Variants in RAI14 observed in about 807,000 individuals in gnomAD.
RAI14 encodes ankycorbin.
A neutral mutation model predicts 115.4 loss-of-function variants in RAI14; 45 were observed. The ratio of observed to expected loss-of-function variants is 0.39; its 90% confidence interval spans 0.31 to 0.50. RAI14 has a LOEUF of 0.50. RAI14 is among the 20% of genes least tolerant of loss of function. The pLI is 0.85. For missense variants in RAI14, 939 were observed against 1,131.2 expected, an observed-to-expected ratio of 0.83 and a Z score of 2.44; for synonymous variants, 371 against 415.4, an observed-to-expected ratio of 0.89 and a Z score of 1.30.
At chr5:34,708,299 T>C (rs1470262610) in intron 2 of RAI14, among the ~76,000 whole-genome samples, 1 of 151,732 alleles carries the variant, frequency 6.6e-6, no homozygotes, top group Non-Finnish European at 1.5e-5. Flanking sequence ...GCCTCCCGCG[T>C]TCAAGCGATT....
At chr5:34,717,397 A>C (rs536722858) in intron 2 of RAI14, among the ~76,000 whole-genome samples, 1 of 152,382 alleles carries the variant, frequency 6.6e-6, no homozygotes, top group African/African-American at 2.4e-5. Context: ...ATGCAATTTT[A>C]ATACAATGCA....
At chr5:34,677,724 T>C (rs111831028) in intron 1 of RAI14, among the ~76,000 whole-genome samples, 19 of 152,248 alleles carry the variant, frequency 1.2e-4, no homozygotes, top group African/African-American at 4.6e-4. Context: ...TAGGCATGAG[T>C]CACTGCACCC....
At chr5:34,788,391 T>C (rs1051859762) in intron 3 of RAI14, among the ~76,000 whole-genome samples, 5 of 152,132 alleles carry the variant, frequency 3.3e-5, no homozygotes, top group African/African-American at 1.2e-4. Context: ...CATTGCCAAA[T>C]GTTCCAAGGA....
intron 3 of RAI14, among the ~76,000 whole-genome samples, chr5:34,775,451 G>A (rs1178484388): frequency 1.3e-5 from 2 of 152,096 alleles, no homozygotes; most frequent in East Asian, 3.8e-4. Flanking sequence ...TGGGCAAAAG[G>A]TACAGTTGCA....
intron 3 of RAI14, among the ~76,000 whole-genome samples, chr5:34,792,815 A>G (rs1049145426): frequency 3.3e-5 from 5 of 152,168 alleles, no homozygotes; most frequent in African/African-American, 9.7e-5. Flanking sequence ...TGTCTGTTTT[A>G]TCTGTAAAAG....
At chr5:34,682,937 C>G (rs751607799) in intron 1 of RAI14, among the ~76,000 whole-genome samples, 12 of 152,316 alleles carry the variant, frequency 7.9e-5, no homozygotes, top group Non-Finnish European at 1.6e-4. Context: ...TGTCACTTTA[C>G]TCAACATAGG....
intron 2 of RAI14, among the ~76,000 whole-genome samples, chr5:34,747,400 G>A (rs903292795): frequency 2.0e-4 from 30 of 152,270 alleles, no homozygotes; most frequent in African/African-American, 6.0e-4. Flanking sequence ...AGTCTAGCAC[G>A]GATAAACAAT....
chr5:34,713,991 A>G (rs535242366), intron 2 of RAI14, among the ~76,000 whole-genome samples: 15 of 152,048 alleles, frequency 9.9e-5, no homozygotes, highest in African/African-American at 3.4e-4. Context: ...TTTAGTAGAG[A>G]CAGGGTTTCA....
rs888581479 is a variant in RAI14 at position 34,821,614 on chromosome 5, C to T, written c.995-118C>T. ...TAGTTCACCCATCCAGCTGCTAGGG[C>T]GTTTTATAATTAGGGCCAGGAAGAA... On this transcript the variant is annotated intron_variant, in intron 13 of 17. Transcript: ENST00000265109. The T allele has an allele frequency of 1.4e-5, 9 of 641,838 alleles. 1 individual carries two copies. The highest frequency in any genetic ancestry group is 6.0e-5 in the South Asian group (3 of 50,292). 39.8% of individuals were successfully genotyped at this position (641,838 alleles called of 1,614,324 possible).
intron 1 of RAI14, among the ~76,000 whole-genome samples, chr5:34,668,545 G>A (rs572585062): frequency 1.3e-5 from 2 of 152,178 alleles, no homozygotes; most frequent in South Asian, 4.2e-4. Flanking sequence ...TTTATCATGG[G>A]TGCAAGTTGA....
At chr5:34,760,000 G>T (rs1440726882) in intron 3 of RAI14, among the ~76,000 whole-genome samples, 1 of 152,120 alleles carries the variant, frequency 6.6e-6, no homozygotes, top group East Asian at 1.9e-4. Flanking sequence ...ATCACCTGGA[G>T]TGCTTCTTTG....
At chr5:34,697,235 G>A (rs1274972067) in intron 2 of RAI14, among the ~76,000 whole-genome samples, 1 of 151,964 alleles carries the variant, frequency 6.6e-6, no homozygotes, top group East Asian at 1.9e-4. Context: ...TCGGGAGTTC[G>A]AGACCAGCCT....
chr5:34,736,781 T>A (rs1744932911), intron 2 of RAI14, among the ~76,000 whole-genome samples: 1 of 152,204 alleles, frequency 6.6e-6, no homozygotes, highest in Non-Finnish European at 1.5e-5. Context: ...ACAACTTTCT[T>A]TGTAAGAATG....
At chr5:34,770,324 G>T (rs1749991448) in intron 3 of RAI14, among the ~76,000 whole-genome samples, 1 of 152,170 alleles carries the variant, frequency 6.6e-6, no homozygotes, top group Non-Finnish European at 1.5e-5. Context: ...GTTTATGCCA[G>T]TATATAGGTG....
chr5:34,812,181 T>C lies in RAI14; in HGVS notation c.738T>C (p.Asp246=). The change falls in exon 10 of 18, where the codon GAT becomes GAC. Residue 246 remains aspartate (D), a splice_region_variant and synonymous_variant. Coordinates refer to ENST00000265109, the MANE Select transcript of RAI14 (RefSeq NM_015577.3). ...LLLSKISQDA[D]LKTPTKPKQH... is the part of the protein sequence containing the mutation. The stretch of plus-strand genomic sequence containing the variant: ...TTTTTTTCACTTTTTCCTCTATAGA[T>C]TTAAAGACCCCAACAAAACCAAAGC... The C allele has an allele frequency of 6.3e-7, 1 of 1,581,900 alleles. No homozygotes were observed. Among genetic ancestry groups the C allele is most frequent in the Non-Finnish European group, 8.7e-7 (1 of 1,155,162 alleles).
chr5:34,686,805 T>C lies in RAI14; in HGVS notation c.-48-67T>C, dbSNP rs74979843. The C allele has an allele frequency of 1.2e-3, 1,271 of 1,047,836 alleles. 23 individuals carry two copies. The East Asian group carries it at 0.03, about 25-fold the overall frequency. 64.9% of individuals were successfully genotyped at this position (1,047,836 alleles called of 1,614,324 possible). A position where few individuals can be genotyped will look rare whatever the true frequency, so the allele number is the denominator to read the frequency against. ...CTCTGTCTCCTTCCCATGACCCAAG[T>C]TGTAATCCAATCAGGAGAGAATACC... On this transcript the variant is annotated intron_variant, in intron 1 of 17. Transcript: ENST00000265109.
intron 2 of RAI14, among the ~76,000 whole-genome samples, chr5:34,754,889 A>C (rs1580145074): frequency 6.6e-6 from 1 of 152,170 alleles, no homozygotes; most frequent in African/African-American, 2.4e-5. Flanking sequence ...TGCCTTAGCA[A>C]CGTTGAAAAG....
chr5:34,747,335 T>C (rs1746410710), intron 2 of RAI14, among the ~76,000 whole-genome samples: 1 of 152,242 alleles, frequency 6.6e-6, no homozygotes, highest in East Asian at 1.9e-4. Context: ...TACATTTTAA[T>C]TTTAGTAGTA....
At chr5:34,676,100 C>T (rs536456644) in intron 1 of RAI14, among the ~76,000 whole-genome samples, 1 of 152,356 alleles carries the variant, frequency 6.6e-6, no homozygotes, top group South Asian at 2.1e-4. Context: ...CACTGCATTT[C>T]ACAATGACTA....
Sources: gnomAD v4.1 joint callset for allele counts (sites outside exome capture counted in the v4.1 genomes callset) on GRCh38, gnomAD v4.1.1 for gene constraint, MANE v1.5 for transcripts, NCBI Gene and HGNC (gene_info 2026-07-23, HGNC 2026-07-21) for gene names.